Variants in BMERB1 observed in about 807,000 individuals in gnomAD.
BMERB1 encodes bMERB domain-containing protein 1.
In BMERB1, 12 loss-of-function variants were observed where a neutral mutation model predicts 23.6. The ratio of observed to expected loss-of-function variants is 0.51; its 90% confidence interval spans 0.33 to 0.82. The LOEUF (loss-of-function observed/expected upper bound fraction) is 0.82, where lower values mean the gene tolerates loss of function less well. Among genes scored for constraint, BMERB1 ranks in the 40% least tolerant of loss-of-function variants. The pLI is 0.03. For synonymous variants in BMERB1, 122 were observed against 96.6 expected (o/e 1.26, Z -1.54); for missense variants, 247 against 255.4 (o/e 0.97, Z 0.22).
intron 1 of BMERB1, among the ~76,000 whole-genome samples, chr16:15,508,127 A>G (rs943352027): frequency 2.0e-5 from 3 of 152,166 alleles, no homozygotes; most frequent in African/African-American, 7.2e-5. Context: ...CGACTTCCCC[A>G]TCTATGAAAT....
rs1017921494 is a variant in BMERB1, at chr16:15,569,193, G to A, written c.304+1137G>A. Reference sequence around the variant, plus strand: ...ATCTCACCACTGCACTTCAGCCTGGGTGACAGAGCGAGACTCCGACTCAAA... The same window carrying A: ...ATCTCACCACTGCACTTCAGCCTGGATGACAGAGCGAGACTCCGACTCAAA... On this transcript the variant is annotated intron_variant, in intron 3 of 5. Coordinates refer to ENST00000300006, the MANE Select transcript of BMERB1 (RefSeq NM_033201.3). Among the ~76,000 whole-genome samples, 7 of 152,086 alleles carry A rather than the reference G, an allele frequency of 4.6e-5. 1 individual carries two copies. Among genetic ancestry groups the A allele is most frequent in the African/African-American group, 1.7e-4 (7 of 41,396 alleles).
At position 15,474,931 on chromosome 16, in the gene BMERB1, A is replaced by G. The variant is rs765809540; in HGVS notation, c.106+40172A>G. 3.3e-5 allele frequency among the ~76,000 whole-genome samples: 5 copies of G among 150,522 alleles called. No homozygotes were observed. The East Asian group carries it at 5.9e-4, about 18-fold the overall frequency. ...TTGAACTCCTGACCTCAAGTGATCT[A>G]CCCGCTTGGCCTCCCAAAGCACTGG... On this transcript the variant is annotated intron_variant, in intron 1 of 5. Coordinates refer to ENST00000300006, the MANE Select transcript of BMERB1 (RefSeq NM_033201.3).
chr16:15,512,538 A>C (rs2051682638), intron 1 of BMERB1, among the ~76,000 whole-genome samples: 1 of 152,170 alleles, frequency 6.6e-6, no homozygotes, highest in Admixed American at 6.5e-5. Context: ...TGAGGCCAGA[A>C]GTTCCAGACC....
chr16:15,507,266 G>C (rs1019080923), intron 1 of BMERB1, among the ~76,000 whole-genome samples: 17 of 152,122 alleles, frequency 1.1e-4, no homozygotes, highest in African/African-American at 3.9e-4. Context: ...CACCACTCCT[G>C]TCCCTGGGTA....
At chr16:15,457,612 C>T (rs557080102) in intron 1 of BMERB1, among the ~76,000 whole-genome samples, 1 of 152,296 alleles carries the variant, frequency 6.6e-6, no homozygotes, top group African/African-American at 2.4e-5. Flanking sequence ...CTTTGATCCA[C>T]CTGTTCTCAC....
chr16:15,489,288 A>C (rs774877162), intron 1 of BMERB1, among the ~76,000 whole-genome samples: 17 of 152,180 alleles, frequency 1.1e-4, no homozygotes, highest in Non-Finnish European at 2.2e-4. Context: ...CAAATCAACA[A>C]ATGTCCATTG....
In BMERB1 at chr16:15,560,070, G is replaced by A. The variant is rs549292034; in HGVS notation, c.231-7913G>A. Among the ~76,000 whole-genome samples the A allele has an allele frequency of 6.6e-5, 10 of 152,266 alleles. No homozygotes were observed. The East Asian group carries it at 1.7e-3, about 26-fold the overall frequency. ...CCTGATGGTCCTCCTTTAGCGGAAG[G>A]TGTGTGGAGGAGGTAGAGAGAGAGA... On this transcript the variant is annotated intron_variant, in intron 2 of 5. Coordinates refer to ENST00000300006, the MANE Select transcript of BMERB1 (RefSeq NM_033201.3).
chr16:15,536,529 A>C (rs1050885559), intron 2 of BMERB1: 1 of 152,356 alleles, frequency 6.6e-6, no homozygotes, highest in South Asian at 2.1e-4. Context: ...GCCCCAGAGC[A>C]CGTAGTGACC....
At chr16:15,435,569 A>G (rs1389931620) in intron 1 of BMERB1, among the ~76,000 whole-genome samples, 2 of 152,168 alleles carry the variant, frequency 1.3e-5, no homozygotes, top group South Asian at 2.1e-4. Flanking sequence ...GGGCTCCCCA[A>G]AGCCGCTGCT....
rs115614720 is a variant in BMERB1, at chr16:15,540,882, C to T, written c.230+25454C>T. Among the ~76,000 whole-genome samples, 607 of 152,266 alleles carry T rather than the reference C, an allele frequency of 4.0e-3. 1 individual carries two copies. Among genetic ancestry groups the T allele is most frequent in the African/African-American group, 0.013 (540 of 41,540 alleles). ...AATGTGTTTTTTCTGATACCAAATA[C>T]GTGCCATTTTTCTACACTAAGTCTC... On this transcript the variant is annotated intron_variant, in intron 2 of 5. Coordinates refer to ENST00000300006, the MANE Select transcript of BMERB1 (RefSeq NM_033201.3).
chr16:15,583,993 C>T, intron 5 of BMERB1: 1 of 702,200 alleles, frequency 1.4e-6, no homozygotes, highest in Non-Finnish European at 2.6e-6. Flanking sequence ...TCAGGGAGCT[C>T]TGGCCTCTCT....
At chr16:15,502,357 A>C (rs1251955511) in intron 1 of BMERB1, 1 of 1,550,800 alleles carries the variant, frequency 6.4e-7, no homozygotes, top group Non-Finnish European at 8.7e-7. Flanking sequence ...GATGTATGGG[A>C]CGGCGGAGTG....
At position 15,528,702 on chromosome 16, in the gene BMERB1, C is replaced by A. The variant is rs540966961; in HGVS notation, c.230+13274C>A. 4.6e-5 allele frequency among the ~76,000 whole-genome samples: 7 copies of A among 152,058 alleles called. No individual in the cohort carries two copies. The South Asian group carries it at 1.2e-3, about 27-fold the overall frequency. On this transcript the variant is annotated intron_variant, in intron 2 of 5. Coordinates refer to ENST00000300006, the MANE Select transcript of BMERB1 (RefSeq NM_033201.3). ...CCCTCTGCCTGGATCCCTCTCCTCC[C>A]ACCCCCCTCTCCTTCCCTGGTGCTA...
At chr16:15,478,796 C>T (rs1175968490) in intron 1 of BMERB1, among the ~76,000 whole-genome samples, 2 of 152,180 alleles carry the variant, frequency 1.3e-5, no homozygotes, top group East Asian at 3.9e-4. Flanking sequence ...GCACCAGTTT[C>T]ATTTAAGAAT....
intron 1 of BMERB1, among the ~76,000 whole-genome samples, chr16:15,494,877 C>CTTTTTTTTTTTTTTTTTTT (rs754135430): frequency 1.1e-5 from 1 of 95,176 alleles, no homozygotes; most frequent in African/African-American, 4.0e-5. Flanking sequence ...TTTTTTTTAT[C>CTTTTTTTTTTTTTTTTTTT]TTTTTTTTTT....
At chr16:15,443,905 C>T (rs1035918049) in intron 1 of BMERB1, among the ~76,000 whole-genome samples, 1 of 151,786 alleles carries the variant, frequency 6.6e-6, no homozygotes, top group African/African-American at 2.4e-5. Flanking sequence ...GAGCGAGACT[C>T]TGTCTCCAAA....
chr16:15,455,568 T>C (rs1463591060), intron 1 of BMERB1, among the ~76,000 whole-genome samples: 9 of 151,886 alleles, frequency 5.9e-5, no homozygotes, highest in African/African-American at 1.9e-4. Context: ...TCACGCCATT[T>C]TCCTGCCTCA....
intron 1 of BMERB1, among the ~76,000 whole-genome samples, chr16:15,489,888 A>T (rs1265586812): frequency 6.6e-6 from 1 of 151,068 alleles, no homozygotes; most frequent in Admixed American, 6.6e-5. Flanking sequence ...TTTTTTTGAG[A>T]TGGAGTCTTG....
In BMERB1 at chr16:15,487,255, G is replaced by A. The variant is rs2051376487; in HGVS notation, c.107-28050G>A. 2.0e-5 allele frequency among the ~76,000 whole-genome samples: 3 copies of A among 152,076 alleles called. No homozygotes were observed. The South Asian group carries it at 6.2e-4, about 32-fold the overall frequency. ...CTAAACAGCCTTATATAAAATAATA[G>A]CAATTCTTGCCATCTTACCTAGCAG... On this transcript the variant is annotated intron_variant, in intron 1 of 5. Coordinates refer to ENST00000300006, the MANE Select transcript of BMERB1 (RefSeq NM_033201.3).
Sources: gnomAD v4.1 joint callset for allele counts (sites outside exome capture counted in the v4.1 genomes callset) on GRCh38, gnomAD v4.1.1 for gene constraint, MANE v1.5 for transcripts, NCBI Gene and HGNC (gene_info 2026-07-23, HGNC 2026-07-21) for gene names.